Variants in DGKB observed in about 807,000 individuals in gnomAD.
DGKB encodes the protein 90 kDa diacylglycerol kinase.
DGKB carries 67 observed loss-of-function variants against 114.3 expected under a neutral mutation model. That is an observed-to-expected ratio of 0.59 (90% CI 0.48 to 0.72). The LOEUF (loss-of-function observed/expected upper bound fraction) is 0.72, where lower values mean the gene tolerates loss of function less well. Among genes scored for constraint, DGKB ranks in the 30% least tolerant of loss-of-function variants. The pLI, the probability that DGKB is intolerant of heterozygous loss-of-function variation, is 0.00. For missense variants in DGKB, 907 were observed against 975.2 expected, an observed-to-expected ratio of 0.93 and a Z score of 0.93; for synonymous variants, 398 against 323.1, an observed-to-expected ratio of 1.23 and a Z score of -2.49.
chr7:14,295,718 T>G (rs528174209), intron 23 of DGKB, among the ~76,000 whole-genome samples: 1 of 152,198 alleles, frequency 6.6e-6, no homozygotes, highest in African/African-American at 2.4e-5. Flanking sequence ...AAATTATTAT[T>G]ATTATGTTCT....
chr7:14,286,269 T>G (rs1019111452), intron 23 of DGKB, among the ~76,000 whole-genome samples: 1 of 152,104 alleles, frequency 6.6e-6, no homozygotes, highest in Non-Finnish European at 1.5e-5. Flanking sequence ...CTGAAAAATG[T>G]GCCTCACTGA....
chr7:14,752,670 G>C (rs145495086), intron 4 of DGKB, among the ~76,000 whole-genome samples: 460 of 152,262 alleles, frequency 3.0e-3, no homozygotes, highest in African/African-American at 0.01. Flanking sequence ...ACTGGGCAAG[G>C]AAAAGGAAGG....
intron 1 of DGKB, among the ~76,000 whole-genome samples, chr7:14,955,942 A>G (rs1052808661): frequency 6.6e-6 from 1 of 152,042 alleles, no homozygotes; most frequent in African/African-American, 2.4e-5. Context: ...CTAGAATGAC[A>G]TTGAAGAGGT....
chr7:14,295,681 A>G (rs1802419587), intron 23 of DGKB, among the ~76,000 whole-genome samples: 1 of 152,004 alleles, frequency 6.6e-6, no homozygotes, highest in Admixed American at 6.6e-5. Flanking sequence ...TCAAACCTCC[A>G]TCCACCTGGT....
chr7:14,771,459 A>G (rs1375760025), intron 2 of DGKB, among the ~76,000 whole-genome samples: 1 of 152,052 alleles, frequency 6.6e-6, no homozygotes, highest in African/African-American at 2.4e-5. Flanking sequence ...GTAGTATCTA[A>G]AGGGGGTGCT....
chr7:14,552,118 AT>A (rs1795188372), intron 20 of DGKB, among the ~76,000 whole-genome samples: 1 of 152,152 alleles, frequency 6.6e-6, no homozygotes, highest in East Asian at 1.9e-4. Flanking sequence ...GTAATAAACA[AT>A]TCCCTGAGCC....
chr7:14,426,655 G>A (rs533334274), intron 21 of DGKB, among the ~76,000 whole-genome samples: 319 of 152,216 alleles, frequency 2.1e-3, no homozygotes, highest in Non-Finnish European at 2.9e-3. Context: ...CAGAAAAGGC[G>A]AACTATTTAA....
At chr7:14,633,212 G>T (rs1810080805) in intron 13 of DGKB, among the ~76,000 whole-genome samples, 1 of 151,842 alleles carries the variant, frequency 6.6e-6, no homozygotes, top group East Asian at 1.9e-4. Flanking sequence ...AAAAGGTAAT[G>T]AAACAGAGGT....
intron 13 of DGKB, among the ~76,000 whole-genome samples, chr7:14,630,889 T>C: frequency 6.6e-6 from 1 of 151,742 alleles, no homozygotes; most frequent in Admixed American, 6.6e-5. Context: ...CACTTTGTAG[T>C]TCATATTGGA....
chr7:14,795,108 T>G (rs995731702), intron 2 of DGKB, among the ~76,000 whole-genome samples: 1 of 152,150 alleles, frequency 6.6e-6, no homozygotes, highest in African/African-American at 2.4e-5. Context: ...GTGTGACCCA[T>G]GAGGAGGTAT....
intron 21 of DGKB, among the ~76,000 whole-genome samples, chr7:14,408,635 C>T (rs915993673): frequency 6.6e-6 from 1 of 152,058 alleles, no homozygotes; most frequent in Non-Finnish European, 1.5e-5. Context: ...CTCACTGATT[C>T]TTCTAAATTT....
chr7:14,393,288 C>T (rs1457590760), intron 21 of DGKB, among the ~76,000 whole-genome samples: 1 of 151,966 alleles, frequency 6.6e-6, no homozygotes, highest in East Asian at 1.9e-4. Context: ...CGCGCCCGGT[C>T]AACAGACCTG....
At chr7:14,703,407 G>A (rs1398549425) in intron 6 of DGKB, among the ~76,000 whole-genome samples, 6 of 152,206 alleles carry the variant, frequency 3.9e-5, no homozygotes, top group African/African-American at 4.8e-5. Flanking sequence ...ATAGATAATG[G>A]GCATTCATTA....
chr7:14,698,176 GAGAA>G lies in DGKB; in HGVS notation c.517-11_517-8del. The G allele has an allele frequency of 1.3e-6, 2 of 1,482,068 alleles. No individual in the cohort carries two copies. Among genetic ancestry groups the G allele is most frequent in the East Asian group, 2.5e-5 (1 of 40,104 alleles). 91.8% of individuals were successfully genotyped at this position (1,482,068 alleles called of 1,614,324 possible). On this transcript the variant is annotated splice_region_variant and splice_polypyrimidine_tract_variant and intron_variant, in intron 7 of 25. Coordinates refer to ENST00000402815, the MANE Select transcript of DGKB (RefSeq NM_001350709.2). Reference sequence around the variant, plus strand: ...TGATGATATTTTCTAGCTCCTGGAAGAGAAAGAGAGATAAAAAATATGAATACAA... The same window carrying G: ...TGATGATATTTTCTAGCTCCTGGAAGAGAGAGATAAAAAATATGAATACAA...
intron 23 of DGKB, among the ~76,000 whole-genome samples, chr7:14,243,923 C>G (rs930670547): frequency 2.6e-5 from 4 of 152,082 alleles, no homozygotes; most frequent in Non-Finnish European, 5.9e-5. Context: ...GTCAAATCAC[C>G]TAACTTGAGT....
chr7:14,545,925 C>G (rs1250241874), intron 20 of DGKB, among the ~76,000 whole-genome samples: 2 of 152,154 alleles, frequency 1.3e-5, no homozygotes, highest in African/African-American at 4.8e-5. Context: ...CCAGTCTGCA[C>G]AGAACTCACA....
intron 23 of DGKB, among the ~76,000 whole-genome samples, chr7:14,276,319 T>C (rs1291993388): frequency 6.6e-6 from 1 of 152,222 alleles, no homozygotes; most frequent in Admixed American, 6.5e-5. Context: ...CATCTTTTAA[T>C]AGTTTAATAT....
At chr7:14,372,017 G>A (rs535888267) in intron 21 of DGKB, among the ~76,000 whole-genome samples, 1 of 152,242 alleles carries the variant, frequency 6.6e-6, no homozygotes, top group South Asian at 2.1e-4. Flanking sequence ...CCTGCTCTTG[G>A]TCCCAAGTCT....
At chr7:14,167,264 A>G (rs1784745137) in intron 25 of DGKB, among the ~76,000 whole-genome samples, 1 of 151,428 alleles carries the variant, frequency 6.6e-6, no homozygotes, top group South Asian at 2.1e-4. Context: ...GTCCTCTGGC[A>G]ATTCCATGGC....
Sources: gnomAD v4.1 joint callset for allele counts (sites outside exome capture counted in the v4.1 genomes callset) on GRCh38, gnomAD v4.1.1 for gene constraint, MANE v1.5 for transcripts, NCBI Gene and HGNC (gene_info 2026-07-23, HGNC 2026-07-21) for gene names.